Variants in SORCS1 observed in about 807,000 individuals in gnomAD.
SORCS1 encodes the protein sortilin related VPS10 domain containing receptor 1.
In SORCS1, 60 loss-of-function variants were observed where a neutral mutation model predicts 146.1. That is an observed-to-expected ratio of 0.41 (90% CI 0.33 to 0.51). SORCS1 has a LOEUF of 0.51. SORCS1 is among the 20% of genes least tolerant of loss of function. SORCS1 has a pLI of 0.21. For synonymous variants in SORCS1, 637 were observed against 584.0 expected, an observed-to-expected ratio of 1.09 and a Z score of -1.31; for missense variants, 1,352 against 1,487.6, an observed-to-expected ratio of 0.91 and a Z score of 1.50.
intron 9 of SORCS1, among the ~76,000 whole-genome samples, chr10:106,697,203 G>A (rs1178301680): frequency 6.6e-6 from 1 of 152,140 alleles, no homozygotes; most frequent in East Asian, 1.9e-4. Context: ...ACTTGGTATA[G>A]GCCATAATCC....
chr10:106,792,544 C>T (rs1470178493), intron 3 of SORCS1, among the ~76,000 whole-genome samples: 2 of 152,230 alleles, frequency 1.3e-5, no homozygotes, highest in East Asian at 3.8e-4. Flanking sequence ...ATAATCATTC[C>T]TCCAAGATTA....
At chr10:106,996,252 G>C (rs1380151264) in intron 1 of SORCS1, among the ~76,000 whole-genome samples, 18 of 16,930 alleles carry the variant, frequency 1.1e-3, no homozygotes, top group Non-Finnish European at 1.6e-3. Flanking sequence ...AAAAAAAATA[G>C]AATGTAGAAA....
Position 106,660,828 on chromosome 10 carries a change from T to G in SORCS1, c.2303+6861A>C, listed in dbSNP as rs7095966. On this transcript the variant is annotated intron_variant, in intron 17 of 25. Coordinates refer to ENST00000263054, the MANE Select transcript of SORCS1 (RefSeq NM_052918.5). ...AGTAAGAACTGTCTTTGTACCTTCT[T>G]CCATGAGGAATTAATGGCCCCTATA... is the stretch of plus-strand genomic sequence containing the variant. 7.5e-3 allele frequency among the ~76,000 whole-genome samples: 1,135 copies of G among 152,036 alleles called. 14 individuals are homozygous for G. The highest frequency in any genetic ancestry group is 0.026 in the African/African-American group (1,098 of 41,450).
intron 1 of SORCS1, among the ~76,000 whole-genome samples, chr10:107,101,642 C>T (rs920126623): frequency 3.3e-5 from 5 of 152,094 alleles, no homozygotes; most frequent in Non-Finnish European, 7.4e-5. Flanking sequence ...GATTATAGGA[C>T]TGAACCAATG....
At chr10:106,884,922 A>G (rs953397661) in intron 2 of SORCS1, among the ~76,000 whole-genome samples, 4 of 152,238 alleles carry the variant, frequency 2.6e-5, no homozygotes, top group Non-Finnish European at 4.4e-5. Context: ...TTACTAGGAA[A>G]GAAGTCAGGG....
At chr10:107,071,180 G>A (rs112083871) in intron 1 of SORCS1, among the ~76,000 whole-genome samples, 43 of 151,662 alleles carry the variant, frequency 2.8e-4, no homozygotes, top group African/African-American at 9.2e-4. Flanking sequence ...GTTGTCCTCC[G>A]CAGCACCAGC....
Position 107,164,451 on chromosome 10 carries a change from G to A in SORCS1, c.76C>T (p.Leu26Phe). The A allele has an allele frequency of 7.2e-7, 1 of 1,393,746 alleles. No homozygotes were observed. The highest frequency in any genetic ancestry group is 1.5e-5 in the African/African-American group (1 of 65,860). 86.3% of individuals were successfully genotyped at this position (1,393,746 alleles called of 1,614,324 possible). ...CCGCCGCAGACGCCCGGGGCGCAGA[G>A]GATCAAGAGCCCCGCGCCGGCGAGG... ...ALLAGAGLLI[L>F]CAPGVCGGGS... is the part of the protein sequence containing the mutation. Residue 26 changes from leucine to phenylalanine, a missense_variant, in exon 1 of 26, where the codon CTC (leucine) becomes TTC (phenylalanine). Around this residue, in one of 3 missense-constraint regions of SORCS1, gnomAD observed 490 missense variants for 489.1 expected, o/e 1.00. Transcript: ENST00000263054. This position sits in a 1 kb window ranked among gnomAD's most constrained non-coding sequence, Gnocchi z 6.8.
intron 1 of SORCS1, among the ~76,000 whole-genome samples, chr10:106,965,992 G>C (rs1377347417): frequency 6.6e-6 from 1 of 152,154 alleles, no homozygotes; most frequent in Non-Finnish European, 1.5e-5. Flanking sequence ...GTTTTTTAAA[G>C]TTTTGAACCC....
intron 1 of SORCS1, among the ~76,000 whole-genome samples, chr10:106,992,631 A>C (rs1474029678): frequency 6.6e-6 from 1 of 151,490 alleles, no homozygotes; most frequent in East Asian, 1.9e-4. Flanking sequence ...AGTAGCTGAG[A>C]CTATAGGTGT....
chr10:106,901,764 C>T (rs1457073108), intron 2 of SORCS1, among the ~76,000 whole-genome samples: 1 of 152,164 alleles, frequency 6.6e-6, no homozygotes, highest in Non-Finnish European at 1.5e-5. Flanking sequence ...ATTTTACTGG[C>T]CGGGCGAGGT....
chr10:107,086,082 T>A (rs998153717), intron 1 of SORCS1, among the ~76,000 whole-genome samples: 7 of 152,232 alleles, frequency 4.6e-5, no homozygotes, highest in Non-Finnish European at 1.0e-4. Context: ...GTGGAGAGAA[T>A]TCGGGCACTG....
At chr10:106,733,998 C>T (rs1856785476) in intron 5 of SORCS1, among the ~76,000 whole-genome samples, 1 of 152,150 alleles carries the variant, frequency 6.6e-6, no homozygotes, top group South Asian at 2.1e-4. Flanking sequence ...AGCAAGTTTT[C>T]TCAGTAAATA....
At chr10:106,724,038 A>G (rs1438625157) in intron 6 of SORCS1, among the ~76,000 whole-genome samples, 1 of 152,196 alleles carries the variant, frequency 6.6e-6, no homozygotes, top group Non-Finnish European at 1.5e-5. Context: ...GATAACTACT[A>G]CAATTTTGAG....
chr10:107,120,939 TG>T (rs2134539428), intron 1 of SORCS1, among the ~76,000 whole-genome samples: 1 of 151,334 alleles, frequency 6.6e-6, no homozygotes, highest in African/African-American at 2.4e-5. Context: ...AAGAGGGAGA[TG>T]GGAATAGGAT....
intron 3 of SORCS1, among the ~76,000 whole-genome samples, chr10:106,812,393 T>C (rs918511339): frequency 6.6e-6 from 1 of 152,204 alleles, no homozygotes; most frequent in Non-Finnish European, 1.5e-5. Context: ...TTACAGTTTA[T>C]TATAATCACT....
chr10:106,600,459 C>A (rs1330896303), intron 23 of SORCS1: 1 of 982,814 alleles, frequency 1.0e-6, no homozygotes. Context: ...AGAATAATCT[C>A]AATTAGAACC....
chr10:106,605,766 T>A (rs1431017969), intron 23 of SORCS1, among the ~76,000 whole-genome samples: 1 of 152,196 alleles, frequency 6.6e-6, no homozygotes. Flanking sequence ...GGGCTTTCCA[T>A]GAGAGCTCTG....
chr10:107,054,797 G>C (rs1960442536), intron 1 of SORCS1, among the ~76,000 whole-genome samples: 1 of 152,114 alleles, frequency 6.6e-6, no homozygotes, highest in Non-Finnish European at 1.5e-5. Context: ...CATTTATTTT[G>C]ACCTGACGTG....
At chr10:106,595,167 C>A (rs1845833798) in intron 24 of SORCS1, among the ~76,000 whole-genome samples, 1 of 152,158 alleles carries the variant, frequency 6.6e-6, no homozygotes, top group African/African-American at 2.4e-5. Flanking sequence ...CAGTGGCAGC[C>A]TTTTCTTCAG....
Sources: gnomAD v4.1 joint callset for allele counts (sites outside exome capture counted in the v4.1 genomes callset) on GRCh38, gnomAD v4.1.1 for gene constraint, gnomAD v4.1.1 regional missense constraint, Gnocchi (gnomAD v3.1) non-coding constraint, MANE v1.5 for transcripts, NCBI Gene and HGNC (gene_info 2026-07-23, HGNC 2026-07-21) for gene names.